Variants in WNT3A observed in about 807,000 individuals in gnomAD.
WNT3A encodes Wnt family member 3A.
WNT3A carries 17 observed loss-of-function variants against 37.0 expected under a neutral mutation model. The ratio of observed to expected loss-of-function variants is 0.46; its 90% CI spans 0.31 to 0.69. The LOEUF is 0.69. Ranked by LOEUF, WNT3A falls within the 30% of genes least tolerant of loss-of-function variation. WNT3A has a pLI of 0.05. For synonymous variants in WNT3A, 187 were observed against 211.0 expected (o/e 0.89, Z 0.99); for missense variants, 411 against 510.2 (o/e 0.81, Z 1.87).
rs932239456 is a variant in WNT3A at position 228,017,071 on chromosome 1, C to T, written c.72-5596C>T. ...TTGTAGGATCTTAGAAAGCAGTGGC[C>T]CCTGGAGGCCAACATGCGGGAAGCC... On this transcript the variant is annotated intron_variant, in intron 1 of 3. Transcript: ENST00000284523. 1.2e-4 allele frequency among the ~76,000 whole-genome samples: 18 copies of T among 152,198 alleles called. 1 individual carries two copies. Among genetic ancestry groups the T allele is most frequent in the Non-Finnish European group, 2.4e-4 (16 of 68,042 alleles).
chr1:228,059,283 C>T lies in WNT3A; in HGVS notation c.877C>T (p.Arg293Cys). The T allele has an allele frequency of 1.3e-6, 2 of 1,592,190 alleles. No individual in the cohort carries two copies. The highest frequency in any genetic ancestry group is 1.7e-6 in the Non-Finnish European group (2 of 1,173,332). The change falls in exon 4 of 4, where the codon CGC (arginine) becomes TGC (cysteine). Residue 293 changes from arginine to cysteine, a missense_variant. Physicochemically the swap from Arg to Cys is radical, Grantham distance 180. Transcript: ENST00000284523. ...CCCTGAGACGGGCTCCTTCGGCACG[C>T]GCGACCGCACCTGCAACGTCAGCTC... Reference protein sequence around the residue: ...PNPETGSFGTRDRTCNVSSHG... With the variant: ...PNPETGSFGTCDRTCNVSSHG...
At chr1:228,051,048 C>T in intron 3 of WNT3A, 127 bp downstream of exon 3, 1 of 1,251,114 alleles carries the variant, frequency 8.0e-7, no homozygotes, top group South Asian at 1.6e-5. Flanking sequence ...CTTCTCGACC[C>T]CTGCCTGGGG....
At position 228,042,072 on chromosome 1, in the gene WNT3A, G is replaced by A. The variant is rs962462743; in HGVS notation, c.314-8584G>A. ...CGGCTCACTGCAACCTCCGCCTCCC[G>A]GGTTCAAGCGATTCTCCCACCTCAG... On this transcript the variant is annotated intron_variant, in intron 2 of 3. Coordinates refer to ENST00000284523, the MANE Select transcript of WNT3A (RefSeq NM_033131.4). The surrounding 1 kb of genome is among the most constrained non-coding windows in gnomAD (Gnocchi z 5.2). 1.1e-4 allele frequency among the ~76,000 whole-genome samples: 16 copies of A among 152,056 alleles called. No homozygotes were observed. The highest frequency in any genetic ancestry group is 1.9e-4 in the East Asian group (1 of 5,198).
rs1237007248 is a variant in WNT3A, at chr1:228,008,177, T to C, written c.71+978T>C. 6.6e-6 allele frequency among the ~76,000 whole-genome samples: 1 copy of C among 152,008 alleles called. No individual in the cohort carries two copies. Among genetic ancestry groups the C allele is most frequent in the African/African-American group, 2.4e-5 (1 of 41,374 alleles). On this transcript the variant is annotated intron_variant, in intron 1 of 3. Coordinates refer to ENST00000284523, the MANE Select transcript of WNT3A (RefSeq NM_033131.4). The surrounding 1 kb of genome is among the most constrained non-coding windows in gnomAD (Gnocchi z 4.9). Reference sequence around the variant, plus strand: ...TAAGGGCGCTCTGAGATGCCCAAGATTGAGGAACACAAGTGGGAGGAATGT... The same window carrying C: ...TAAGGGCGCTCTGAGATGCCCAAGACTGAGGAACACAAGTGGGAGGAATGT...
chr1:228,055,158 CAAAA>C (rs34263332), intron 3 of WNT3A, among the ~76,000 whole-genome samples: 75 of 15,698 alleles, frequency 4.8e-3, no homozygotes, highest in African/African-American at 7.2e-3. Context: ...AACTCCGTCC[CAAAA>C]AAAAAAAAAA....
In WNT3A at chr1:228,022,636, C is replaced by T. The variant is rs375893387; in HGVS notation, c.72-31C>T. The T allele has an allele frequency of 2.3e-5, 37 of 1,597,104 alleles. No individual in the cohort carries two copies. The African/African-American group carries it at 4.2e-4, about 18-fold the overall frequency. On this transcript the variant is annotated intron_variant, in intron 1 of 3. Transcript: ENST00000284523. ...CTCATCTGTGTCGCTGTCCCAGCCC[C>T]ACACTCACCACCGGATCTTGCCCTC...
At chr1:228,051,880 G>T (rs1006915364) in intron 3 of WNT3A, among the ~76,000 whole-genome samples, 2 of 152,106 alleles carry the variant, frequency 1.3e-5, no homozygotes, top group Non-Finnish European at 2.9e-5. Context: ...AAGACAGAGT[G>T]GGGGAGAGGT....
intron 2 of WNT3A, among the ~76,000 whole-genome samples, chr1:228,030,076 C>A (rs1007869318): frequency 1.3e-5 from 2 of 149,370 alleles, no homozygotes; most frequent in African/African-American, 5.1e-5. Flanking sequence ...CAGAATGAGA[C>A]CCTGTCTCTA....
Position 228,053,419 on chromosome 1 carries a change from A to G in WNT3A, c.579+2498A>G, listed in dbSNP as rs540104675. Among the ~76,000 whole-genome samples, 4 of 152,382 alleles carry G rather than the reference A, an allele frequency of 2.6e-5. No individual in the cohort carries two copies. In the South Asian group the frequency reaches 8.3e-4, roughly 32 times the overall value. On this transcript the variant is annotated intron_variant, in intron 3 of 3. Transcript: ENST00000284523. ...ATCTTTGTGACCTTAGAGTAGGCAA[A>G]GGTGTCTTAAACAGTCCAAAAAAGC...
chr1:228,043,737 C>T (rs1456924535), intron 2 of WNT3A, among the ~76,000 whole-genome samples: 1 of 152,148 alleles, frequency 6.6e-6, no homozygotes, highest in East Asian at 1.9e-4. Flanking sequence ...GCTTCAAACA[C>T]CTGTGGAAAT....
At chr1:228,047,743 T>C (rs1403672293) in intron 2 of WNT3A, among the ~76,000 whole-genome samples, 1 of 152,096 alleles carries the variant, frequency 6.6e-6, no homozygotes, top group African/African-American at 2.4e-5. Flanking sequence ...CTTCCAATCA[T>C]GGCGGAAGGC....
At chr1:228,046,856 A>G (rs968744127) in intron 2 of WNT3A, among the ~76,000 whole-genome samples, 1 of 150,832 alleles carries the variant, frequency 6.6e-6, no homozygotes, top group African/African-American at 2.4e-5. Flanking sequence ...GTGCATGTGC[A>G]TCAGGTGGGG....
Position 228,059,236 on chromosome 1 carries a change from CGCCCAACTTCTGCGA to C in WNT3A, c.838_852del (p.Phe280_Asn284del). On this transcript the variant is annotated inframe_deletion, in exon 4 of 4. Transcript: ENST00000284523. Reference sequence around the variant, plus strand: ...CGCGACCTGGTCTACTACGAGGCCTCGCCCAACTTCTGCGAGCCCAACCCTGAGACGGGCTCCTTC... The same window carrying C: ...CGCGACCTGGTCTACTACGAGGCCTCGCCCAACCCTGAGACGGGCTCCTTC... 6.2e-7 allele frequency: 1 copy of C among 1,609,934 alleles called. No individual in the cohort carries two copies. Among genetic ancestry groups the C allele is most frequent in the Non-Finnish European group, 8.5e-7 (1 of 1,179,588 alleles).
chr1:228,015,467 T>C (rs1239184587), intron 1 of WNT3A, among the ~76,000 whole-genome samples: 2 of 152,218 alleles, frequency 1.3e-5, no homozygotes, highest in African/African-American at 4.8e-5. Context: ...GCTGTGGTGT[T>C]GGCAGTGAGA....
chr1:228,048,954 T>G (rs1002636590), intron 2 of WNT3A, among the ~76,000 whole-genome samples: 5 of 152,120 alleles, frequency 3.3e-5, no homozygotes, highest in African/African-American at 1.2e-4. Flanking sequence ...CTACCACCCT[T>G]CTGCACAAGC....
chr1:228,008,817 G>A lies in WNT3A; in HGVS notation c.71+1618G>A, dbSNP rs12401912. ...AGCCTCCTGGCAACCCCGCGCCCTA[G>A]GATCTTTGTCTTGTCGGCCCTGAGG... On this transcript the variant is annotated intron_variant, in intron 1 of 3. Transcript: ENST00000284523. This position sits in a 1 kb window ranked among gnomAD's most constrained non-coding sequence, Gnocchi z 4.9. Among the ~76,000 whole-genome samples the A allele has an allele frequency of 6.6e-6, 1 of 152,182 alleles. No homozygotes were observed. Among genetic ancestry groups the A allele is most frequent in the Admixed American group, 6.5e-5 (1 of 15,284 alleles).
intron 1 of WNT3A, among the ~76,000 whole-genome samples, chr1:228,011,822 G>A (rs2030381249): frequency 6.6e-6 from 1 of 152,210 alleles, no homozygotes; most frequent in South Asian, 2.1e-4. Flanking sequence ...TCTCAGAGCT[G>A]CCCACACACA....
chr1:228,058,733 A>G (rs2031730575), intron 3 of WNT3A, among the ~76,000 whole-genome samples: 1 of 152,218 alleles, frequency 6.6e-6, no homozygotes, highest in Non-Finnish European at 1.5e-5. Flanking sequence ...ACAGTGTAGA[A>G]GTACTCAGCT....
In WNT3A at chr1:228,022,756, G is replaced by A. The variant is rs1335028571; in HGVS notation, c.161G>A (p.Arg54His). ...CCGGGCCTGGTCCCCAAGCAGCTCC[G>A]CTTCTGCAGGAACTACGTGGAGATC... is the stretch of plus-strand genomic sequence containing the variant. Reference protein sequence around the residue: ...SIPGLVPKQLRFCRNYVEIMP... With the variant: ...SIPGLVPKQLHFCRNYVEIMP... The change falls in exon 2 of 4, where the codon CGC (arginine) becomes CAC (histidine). Residue 54 changes from arginine to histidine, a missense_variant. Physicochemically the swap from Arg to His is conservative, Grantham distance 29. Transcript: ENST00000284523. The A allele has an allele frequency of 6.2e-6, 10 of 1,614,050 alleles. No individual in the cohort carries two copies. The highest frequency in any genetic ancestry group is 6.8e-6 in the Non-Finnish European group (8 of 1,180,046).
Sources: allele counts gnomAD v4.1 joint callset (sites outside exome capture counted in the v4.1 genomes callset), GRCh38; gene constraint gnomAD v4.1.1; non-coding constraint Gnocchi (gnomAD v3.1); transcripts MANE v1.5; gene names NCBI Gene and HGNC (gene_info 2026-07-23, HGNC 2026-07-21).